The following ARB2A variants were observed in gnomAD, a reference collection of about 807,000 sequenced individuals.
ARB2A encodes ARB2 cotranscriptional regulator A, also known as cotranscriptional regulator ARB2A.
At chr5:93,977,812 C>A in the ARB2A span, among the ~76,000 whole-genome samples, 1 of 152,090 alleles carries the variant, frequency 6.6e-6, no homozygotes, top group Non-Finnish European at 1.5e-5. Context: ...AGGAAACTGT[C>A]AAACGAGTTA....
At chr5:93,625,424 C>A in the ARB2A span, among the ~76,000 whole-genome samples, 1 of 152,074 alleles carries the variant, frequency 6.6e-6, no homozygotes, top group South Asian at 2.1e-4. Context: ...ATAATCTGAA[C>A]CCTACTCTAG....
the ARB2A span, among the ~76,000 whole-genome samples, chr5:93,804,080 T>G: frequency 6.6e-6 from 1 of 151,908 alleles, no homozygotes; most frequent in East Asian, 1.9e-4. Flanking sequence ...TCTCAAAGAG[T>G]TTGGAAATAT....
At chr5:93,852,090 T>C in the ARB2A span, among the ~76,000 whole-genome samples, 6 of 152,232 alleles carry the variant, frequency 3.9e-5, no homozygotes, top group South Asian at 2.1e-4. Flanking sequence ...AGTGTTCCTA[T>C]TTCTCCACAT....
chr5:93,621,228 G>C, the ARB2A span: 1 of 1,105,958 alleles, frequency 9.0e-7, no homozygotes, highest in Non-Finnish European at 1.2e-6. Context: ...CGACCACCCG[G>C]TCCCGCCCCT....
chr5:94,063,638 C>G, the ARB2A span, among the ~76,000 whole-genome samples: 1 of 152,062 alleles, frequency 6.6e-6, no homozygotes, highest in African/African-American at 2.4e-5. Context: ...GCCTGTGCTG[C>G]CAAAACTAGA....
chr5:93,727,624 T>G, the ARB2A span, among the ~76,000 whole-genome samples: 2 of 152,000 alleles, frequency 1.3e-5, no homozygotes, highest in Non-Finnish European at 2.9e-5. Flanking sequence ...AAAAGGCAAT[T>G]GCCCAGTGGA....
the ARB2A span, among the ~76,000 whole-genome samples, chr5:94,098,305 A>G: frequency 6.6e-6 from 1 of 152,210 alleles, no homozygotes; most frequent in Admixed American, 6.5e-5. Context: ...ACAGCACAAT[A>G]AAAATATAAG....
the ARB2A span, among the ~76,000 whole-genome samples, chr5:93,956,689 A>G: frequency 6.6e-6 from 1 of 151,942 alleles, no homozygotes; most frequent in Non-Finnish European, 1.5e-5. Flanking sequence ...AAAAAAAAAA[A>G]AGTAAGAATG....
At chr5:93,866,173 T>G in the ARB2A span, 1 of 985,412 alleles carries the variant, frequency 1.0e-6, no homozygotes, top group South Asian at 4.7e-5. Flanking sequence ...ATGGCATCAT[T>G]TTATCAGCAG....
the ARB2A span, among the ~76,000 whole-genome samples, chr5:94,100,874 C>T: frequency 0.091 from 13,891 of 152,156 alleles, 794 homozygotes; most frequent in Middle Eastern, 0.16. Flanking sequence ...GACCTAGGAA[C>T]GGGCAAAGAA....
the ARB2A span, among the ~76,000 whole-genome samples, chr5:93,955,875 T>C: frequency 1.3e-5 from 2 of 152,174 alleles, no homozygotes; most frequent in African/African-American, 2.4e-5. Flanking sequence ...TGGGCATGAA[T>C]AGAGTTTCCT....
the ARB2A span, chr5:93,734,677 G>A: frequency 6.6e-6 from 1 of 152,062 alleles, no homozygotes; most frequent in Admixed American, 6.5e-5. Context: ...TTAAGGCAGG[G>A]GAAAATCTGG....
the ARB2A span, among the ~76,000 whole-genome samples, chr5:93,684,476 C>T: frequency 3.9e-5 from 6 of 152,138 alleles, no homozygotes; most frequent in African/African-American, 1.2e-4. Context: ...CTACTTATCT[C>T]CTGTTTTAAG....
the ARB2A span, among the ~76,000 whole-genome samples, chr5:93,917,915 A>C: frequency 6.6e-6 from 1 of 152,048 alleles, no homozygotes; most frequent in Admixed American, 6.6e-5. Flanking sequence ...CAACATTTAT[A>C]ATGTATTTCC....
At chr5:93,737,645 G>C in the ARB2A span, 3 of 208,416 alleles carry the variant, frequency 1.4e-5, no homozygotes, top group African/African-American at 7.1e-5. Context: ...CAGACATATA[G>C]ACCAACAGAA....
the ARB2A span, among the ~76,000 whole-genome samples, chr5:93,646,374 C>T: frequency 2.7e-4 from 41 of 151,434 alleles, no homozygotes; most frequent in African/African-American, 9.0e-4. Flanking sequence ...AGTTTTAGGC[C>T]CCAGAGCAAG....
chr5:93,986,781 C>T, the ARB2A span, among the ~76,000 whole-genome samples: 1 of 152,094 alleles, frequency 6.6e-6, no homozygotes, highest in African/African-American at 2.4e-5. Flanking sequence ...AAGGGCGGTG[C>T]AAGATGTGCT....
At chr5:93,823,393 T>C in the ARB2A span, among the ~76,000 whole-genome samples, 1 of 152,190 alleles carries the variant, frequency 6.6e-6, no homozygotes, top group African/African-American at 2.4e-5. Context: ...GATCAAGCAA[T>C]GCATTCTAGT....
chr5:93,692,261 T>A, the ARB2A span, among the ~76,000 whole-genome samples: 2 of 152,290 alleles, frequency 1.3e-5, no homozygotes, highest in Admixed American at 1.3e-4. Flanking sequence ...GACCCATTAG[T>A]GGGCTGTATT....
Sources: gnomAD v4.1 joint callset for allele counts (sites outside exome capture counted in the v4.1 genomes callset) on GRCh38, gnomAD v4.1.1 for gene constraint, MANE v1.5 for transcripts, NCBI Gene and HGNC (gene_info 2026-07-23, HGNC 2026-07-21) for gene names.